NRXN1: variants seen among roughly 807,000 people sequenced by gnomAD.
NRXN1 encodes neurexin-1.
A neutral mutation model predicts 150.9 loss-of-function variants in NRXN1; 39 were observed. That is an observed-to-expected ratio of 0.26 (90% CI 0.20 to 0.34). The LOEUF (loss-of-function observed/expected upper bound fraction) is 0.34. Among genes scored for constraint, NRXN1 ranks in the 10% least tolerant of loss-of-function variants. The pLI, the probability that NRXN1 is intolerant of heterozygous loss-of-function variation, is 1.00. For synonymous variants in NRXN1, 924 were observed against 757.0 expected, an observed-to-expected ratio of 1.22 and a Z score of -3.62; for missense variants, 1,815 against 1,949.9, an observed-to-expected ratio of 0.93 and a Z score of 1.30.
intron 21 of NRXN1, among the ~76,000 whole-genome samples, chr2:50,026,272 G>A (rs989167282): frequency 4.6e-5 from 7 of 152,154 alleles, no homozygotes; most frequent in Non-Finnish European, 8.8e-5. Context: ...TAATTTTTGA[G>A]TTTGAAACAG....
intron 12 of NRXN1, chr2:50,506,859 G>A (rs552925695): frequency 1.7e-5 from 8 of 473,974 alleles, no homozygotes; most frequent in Admixed American, 3.5e-5. Flanking sequence ...AAACATTCAG[G>A]TGTGACCATT....
At chr2:50,564,827 A>G (rs540624072) in intron 8 of NRXN1, among the ~76,000 whole-genome samples, 2 of 152,258 alleles carry the variant, frequency 1.3e-5, no homozygotes, top group East Asian at 3.9e-4. Context: ...ATTTCTTTGG[A>G]AAGTCCCACA....
At chr2:50,091,589 G>A (rs1178806401) in intron 18 of NRXN1, 95 bp from the exon 19 acceptor site, 2 of 1,288,700 alleles carry the variant, frequency 1.6e-6, no homozygotes, top group Non-Finnish European at 2.2e-6. Flanking sequence ...AATGTGCTTT[G>A]GACAACAGCT....
intron 18 of NRXN1, among the ~76,000 whole-genome samples, chr2:50,124,433 T>G (rs1164891356): frequency 3.9e-5 from 6 of 152,138 alleles, no homozygotes; most frequent in Non-Finnish European, 7.4e-5. Flanking sequence ...TCATTATAGA[T>G]TCTAGTGACT....
intron 17 of NRXN1, among the ~76,000 whole-genome samples, chr2:50,432,797 T>C (rs1374849767): frequency 6.6e-6 from 1 of 152,230 alleles, no homozygotes; most frequent in Non-Finnish European, 1.5e-5. Context: ...TTGTACAAAA[T>C]TCCTGATAGC....
intron 12 of NRXN1, among the ~76,000 whole-genome samples, chr2:50,511,383 GTTCA>G (rs2092447749): frequency 6.6e-6 from 1 of 152,122 alleles, no homozygotes; most frequent in East Asian, 1.9e-4. Flanking sequence ...AAATTATTCT[GTTCA>G]TTAGACAATG....
chr2:50,784,182 A>T (rs935773906), intron 5 of NRXN1, among the ~76,000 whole-genome samples: 23 of 152,152 alleles, frequency 1.5e-4, no homozygotes, highest in African/African-American at 5.5e-4. Flanking sequence ...GAGTAATATC[A>T]GGAATTGTGC....
intron 18 of NRXN1, among the ~76,000 whole-genome samples, chr2:50,129,019 A>G (rs1335104358): frequency 1.3e-5 from 2 of 151,326 alleles, no homozygotes; most frequent in African/African-American, 4.9e-5. Flanking sequence ...ATAAATAAAT[A>G]AAGTTATGAT....
chr2:50,108,409 T>C (rs1331099989), intron 18 of NRXN1, among the ~76,000 whole-genome samples: 1 of 152,024 alleles, frequency 6.6e-6, no homozygotes, highest in Non-Finnish European at 1.5e-5. Context: ...ATTAAGATCA[T>C]TTTACAGAGA....
At chr2:50,579,323 A>C (rs1407524548) in intron 8 of NRXN1, among the ~76,000 whole-genome samples, 1 of 152,220 alleles carries the variant, frequency 6.6e-6, no homozygotes, top group African/African-American at 2.4e-5. Flanking sequence ...AGCCTGTATT[A>C]GACTCCTAAG....
intron 17 of NRXN1, among the ~76,000 whole-genome samples, chr2:50,418,173 A>T (rs777428193): frequency 6.6e-6 from 1 of 152,016 alleles, no homozygotes; most frequent in Non-Finnish European, 1.5e-5. Flanking sequence ...GACCGATGGA[A>T]TGTAGGGAGG....
chr2:50,937,011 C>A (rs2193415), intron 2 of NRXN1, among the ~76,000 whole-genome samples: 1 of 152,124 alleles, frequency 6.6e-6, no homozygotes, highest in Admixed American at 6.6e-5. Context: ...CAAGGTGCCT[C>A]TCGTTACGAG....
At chr2:50,309,986 A>G (rs1001400297) in intron 17 of NRXN1, among the ~76,000 whole-genome samples, 1 of 152,174 alleles carries the variant, frequency 6.6e-6, no homozygotes. Context: ...GATTGCTTCT[A>G]AATAAAAGAA....
At chr2:50,098,251 G>T (rs185001345) in intron 18 of NRXN1, among the ~76,000 whole-genome samples, 62 of 152,260 alleles carry the variant, frequency 4.1e-4, no homozygotes, top group African/African-American at 1.4e-3. Context: ...ATAAAAACAG[G>T]TAAAGTCTGT....
chr2:50,496,421 C>T (rs905533343), intron 14 of NRXN1, among the ~76,000 whole-genome samples: 4 of 152,176 alleles, frequency 2.6e-5, no homozygotes, highest in African/African-American at 7.2e-5. Flanking sequence ...TTTTCTAACA[C>T]TTAAAATGGC....
At chr2:50,569,290 G>C (rs77529835) in intron 8 of NRXN1, among the ~76,000 whole-genome samples, 1 of 152,046 alleles carries the variant, frequency 6.6e-6, no homozygotes, top group Non-Finnish European at 1.5e-5. Flanking sequence ...CTAAAAGAGT[G>C]TAATTGGATT....
chr2:50,570,229 A>C (rs1423266525), intron 8 of NRXN1, among the ~76,000 whole-genome samples: 1 of 152,044 alleles, frequency 6.6e-6, no homozygotes, highest in African/African-American at 2.4e-5. Context: ...AGGAAGAAGG[A>C]GTAAGACATG....
At chr2:50,357,060 G>A (rs764129159) in intron 17 of NRXN1, among the ~76,000 whole-genome samples, 2 of 151,928 alleles carry the variant, frequency 1.3e-5, no homozygotes, top group African/African-American at 4.8e-5. Context: ...AAGGATCACT[G>A]GAGACTACCA....
rs61282635 is a variant in NRXN1, at chr2:50,320,283, CATATATATATAT to C, written c.3365-83325_3365-83314del. Among the ~76,000 whole-genome samples the C allele has an allele frequency of 5.4e-3, 231 of 43,046 alleles. 3 individuals are homozygous for C. Among genetic ancestry groups the C allele is most frequent in the African/African-American group, 0.012 (197 of 17,084 alleles). The allele number at this position is 43,046 out of a possible 152,430, so 28.2% of individuals were successfully genotyped here. A position where few individuals can be genotyped will look rare whatever the true frequency, so the allele number is the denominator to read the frequency against. Reference sequence around the variant, plus strand: ...TATTCATTTATTCTTATACCTCAATCATATATATATATATATATATATATATATATATATATA... The same window carrying C: ...TATTCATTTATTCTTATACCTCAATCATATATATATATATATATATATATA... On this transcript the variant is annotated intron_variant, in intron 17 of 22. Coordinates refer to ENST00000401669, the MANE Select transcript of NRXN1 (RefSeq NM_001330078.2).
Sources: gnomAD v4.1 joint callset for allele counts (sites outside exome capture counted in the v4.1 genomes callset) on GRCh38, gnomAD v4.1.1 for gene constraint, MANE v1.5 for transcripts, NCBI Gene and HGNC (gene_info 2026-07-23, HGNC 2026-07-21) for gene names.